INAVA: variants seen among roughly 807,000 people sequenced by gnomAD.
The protein encoded by INAVA is innate immunity activator.
A neutral mutation model predicts 55.3 loss-of-function variants in INAVA; 32 were observed. The observed-to-expected ratio is 0.58, with a 90% CI of 0.44 to 0.78. The LOEUF (loss-of-function observed/expected upper bound fraction) is 0.78. INAVA is among the 30% of genes least tolerant of loss of function. The pLI, the probability that INAVA is intolerant of heterozygous loss-of-function variation, is 0.00. For synonymous variants in INAVA, 294 were observed against 329.4 expected (o/e 0.89, Z 1.16); for missense variants, 756 against 786.4 (o/e 0.96, Z 0.46).
chr1:200,900,017 T>C, intron 3 of INAVA, 87 bp from the exon 4 acceptor site: 1 of 1,146,832 alleles, frequency 8.7e-7, no homozygotes, highest in Non-Finnish European at 1.3e-6. Context: ...AGGGCTTCTA[T>C]GGAAGGCAGG....
intron 9 of INAVA, 149 bp downstream of exon 9, chr1:200,912,286 A>G: frequency 1.2e-6 from 1 of 827,112 alleles, no homozygotes; most frequent in Non-Finnish European, 1.8e-6. Flanking sequence ...ACAGGCCAAA[A>G]AATCATTTCC....
chr1:200,894,223 T>G (rs1020495224), upstream of INAVA, among the ~76,000 whole-genome samples: 3 of 152,208 alleles, frequency 2.0e-5, no homozygotes, highest in South Asian at 4.2e-4. Context: ...AAACAGGACT[T>G]GGGCTCAGGT....
At position 200,900,273 on chromosome 1, in the gene INAVA, T is replaced by C. The variant is rs548342938; in HGVS notation, c.297+53T>C. On this transcript the variant is annotated intron_variant, in intron 4 of 9. Coordinates refer to ENST00000413687, the MANE Select transcript of INAVA (RefSeq NM_001142569.3). ...CCCCTCGATCCCCAAAGCTGATCACTGAGACGCCACACCTCAGCTCAGTAC... is the reference window on the plus strand; with the variant it reads ...CCCCTCGATCCCCAAAGCTGATCACCGAGACGCCACACCTCAGCTCAGTAC... 1.1e-5 allele frequency: 16 copies of C among 1,495,636 alleles called. No individual in the cohort carries two copies. In the South Asian group the frequency reaches 1.6e-4, roughly 15 times the overall value. The allele number at this position is 1,495,636 out of a possible 1,614,324, so 92.6% of individuals were successfully genotyped here. A position where few individuals can be genotyped will look rare whatever the true frequency, so the allele number is the denominator to read the frequency against.
In INAVA at chr1:200,913,609, G is replaced by C. The variant is rs372031042; in HGVS notation, c.1717G>C (p.Glu573Gln). The C allele has an allele frequency of 2.3e-5, 37 of 1,613,968 alleles. No individual in the cohort carries two copies. The highest frequency in any genetic ancestry group is 2.6e-5 in the Non-Finnish European group (31 of 1,180,012). ...PVQVFVPEKG[E>Q]IISQV is the part of the protein sequence containing the mutation. Reference sequence around the variant, plus strand: ...GCAAGTCTTTGTACCTGAAAAAGGAGAGATCATCAGCCAGGTGTAACTCTG... The same window carrying C: ...GCAAGTCTTTGTACCTGAAAAAGGACAGATCATCAGCCAGGTGTAACTCTG... Residue 573 changes from glutamate (E) to glutamine (Q), a missense_variant, in exon 10 of 10, where the codon GAG (glutamate) becomes CAG (glutamine). Transcript: ENST00000413687.
Position 200,911,499 on chromosome 1 carries a change from T to G in INAVA, c.1006T>G (p.Phe336Val), listed in dbSNP as rs778999857. 1 of 1,613,592 alleles carries G rather than the reference T, an allele frequency of 6.2e-7. No individual in the cohort carries two copies. The highest frequency in any genetic ancestry group is 8.5e-7 in the Non-Finnish European group (1 of 1,179,842). ...AGPEGRGRSA[F>V]PRRRPTHYTV... ...TCCTGAGGGCCGAGGTCGCAGCGCCTTTCCCCGCCGCCGCCCCACTCACTA... is the reference window on the plus strand; with the variant it reads ...TCCTGAGGGCCGAGGTCGCAGCGCCGTTCCCCGCCGCCGCCCCACTCACTA... The change falls in exon 9 of 10, where the codon TTT (phenylalanine) becomes GTT (valine). Residue 336 changes from phenylalanine to valine, a missense_variant. Phe to Val is a conservative substitution (Grantham distance 50). Transcript: ENST00000413687.
In INAVA at chr1:200,907,901, T is replaced by C; in HGVS notation, c.574+14T>C. On this transcript the variant is annotated intron_variant, in intron 6 of 9. Coordinates refer to ENST00000413687, the MANE Select transcript of INAVA (RefSeq NM_001142569.3). The stretch of plus-strand genomic sequence containing the variant: ...TCCTGGAGGAAGGTGAGAAGGACGT[T>C]TGGGGGACTATTGTCAAGGCTGGAC... 2 of 1,608,260 alleles carry C rather than the reference T, an allele frequency of 1.2e-6. No homozygotes were observed. Among genetic ancestry groups the C allele is most frequent in the Non-Finnish European group, 1.7e-6 (2 of 1,175,524 alleles).
chr1:200,907,107 G>T lies in INAVA; in HGVS notation c.521-727G>T, dbSNP rs555617028. Among the ~76,000 whole-genome samples the T allele has an allele frequency of 2.0e-5, 3 of 152,246 alleles. No homozygotes were observed. In the East Asian group the frequency reaches 5.8e-4, roughly 29 times the overall value. The stretch of plus-strand genomic sequence containing the variant: ...CCTAAAATGCTGGGATTACAGGCAT[G>T]AACCACCGCGCCTGGCCATGAAATT... On this transcript the variant is annotated intron_variant, in intron 5 of 9. Transcript: ENST00000413687.
chr1:200,900,790 G>C (rs1366124200), intron 4 of INAVA, 147 bp from the exon 5 acceptor site: 1 of 581,144 alleles, frequency 1.7e-6, no homozygotes, highest in African/African-American at 1.9e-5. Flanking sequence ...TCTGCTCCAC[G>C]TCCGTCCATT....
chr1:200,908,642 G>A (rs1558232961), intron 6 of INAVA, 88 bp from the exon 7 acceptor site: 3 of 1,121,896 alleles, frequency 2.7e-6, no homozygotes, highest in Non-Finnish European at 2.5e-6. Context: ...GAGGGAGAGC[G>A]GCGAGGCATG....
At chr1:200,894,767 GC>G (rs984602645), upstream of INAVA, 8 of 984,972 alleles carry the variant, frequency 8.1e-6, no homozygotes, top group African/African-American at 1.7e-5. Flanking sequence ...CTACCCTCCT[GC>G]CCCCCGGAAG....
chr1:200,891,753 T>A, upstream of INAVA: 1 of 1,335,266 alleles, frequency 7.5e-7, no homozygotes, highest in Non-Finnish European at 9.9e-7. Context: ...GGGCGGGGGA[T>A]CGGGCCCCTG....
At chr1:200,901,844 G>A (rs2102306326) in intron 5 of INAVA, among the ~76,000 whole-genome samples, 1 of 152,308 alleles carries the variant, frequency 6.6e-6, no homozygotes, top group South Asian at 2.1e-4. Context: ...GGCCGTGGGG[G>A]CACCTAGTGA....
intron 5 of INAVA, among the ~76,000 whole-genome samples, chr1:200,902,040 G>T (rs1321362400): frequency 6.6e-6 from 1 of 152,096 alleles, no homozygotes; most frequent in Non-Finnish European, 1.5e-5. Context: ...ACTCAGCTCT[G>T]CCCCCCGTCT....
At chr1:200,908,237 T>C in intron 6 of INAVA, 1 of 239,136 alleles carries the variant, frequency 4.2e-6, no homozygotes, top group Non-Finnish European at 8.2e-6. Context: ...ATCATTGCTG[T>C]TTTTTAAAAG....
At chr1:200,902,229 G>A (rs529464617) in intron 5 of INAVA, among the ~76,000 whole-genome samples, 2 of 152,360 alleles carry the variant, frequency 1.3e-5, no homozygotes, top group East Asian at 3.9e-4. Flanking sequence ...CTCAGCCTGG[G>A]AGCAGTCATG....
rs190062844 is a variant in INAVA at position 200,908,761 on chromosome 1, G to A, written c.606G>A (p.Glu202=). The change falls in exon 7 of 10, where the codon GAG becomes GAA. Residue 202 remains glutamate (E), a synonymous_variant. Coordinates refer to ENST00000413687, the MANE Select transcript of INAVA (RefSeq NM_001142569.3). ...EESQVPKPPP[E]SPAPPSRPLP... is the part of the protein sequence containing the mutation. ...CCCAAGTGCCAAAACCTCCTCCAGAGTCTCCAGCCCCACCTTCTCGGCCTC... is the reference window on the plus strand; with the variant it reads ...CCCAAGTGCCAAAACCTCCTCCAGAATCTCCAGCCCCACCTTCTCGGCCTC... 2 of 1,599,692 alleles carry A rather than the reference G, an allele frequency of 1.3e-6. No individual in the cohort carries two copies. The highest frequency in any genetic ancestry group is 1.3e-5 in the African/African-American group (1 of 74,288).
upstream of INAVA, among the ~76,000 whole-genome samples, chr1:200,893,411 C>T (rs1278393268): frequency 6.6e-6 from 1 of 152,128 alleles, no homozygotes; most frequent in Admixed American, 6.6e-5. Context: ...TTCCACCAAC[C>T]CCCACCTGGA....
chr1:200,907,961 C>A, intron 6 of INAVA, 74 bp downstream of exon 6: 2 of 1,330,328 alleles, frequency 1.5e-6, no homozygotes, highest in Non-Finnish European at 2.2e-6. Context: ...GGGCAGTTTG[C>A]TGGTGTGGAA....
intron 1 of INAVA, among the ~76,000 whole-genome samples, chr1:200,896,908 G>C (rs919427514): frequency 6.6e-6 from 1 of 152,262 alleles, no homozygotes; most frequent in Non-Finnish European, 1.5e-5. Context: ...ACAGAAACTC[G>C]GAAGGACTTT....
Sources: allele counts gnomAD v4.1 joint callset (sites outside exome capture counted in the v4.1 genomes callset), GRCh38; gene constraint gnomAD v4.1.1; transcripts MANE v1.5; gene names NCBI Gene and HGNC (gene_info 2026-07-23, HGNC 2026-07-21).